ATXN7L1: variants seen among roughly 807,000 people sequenced by gnomAD.
ATXN7L1 encodes the protein ataxin-7-like protein 1.
In ATXN7L1, 15 loss-of-function variants were observed where a neutral mutation model predicts 70.8. The observed-to-expected ratio is 0.21, with a 90% CI of 0.14 to 0.33. ATXN7L1 has a LOEUF of 0.33. Among genes scored for constraint, ATXN7L1 ranks in the 10% least tolerant of loss-of-function variants. The pLI, the probability that ATXN7L1 is intolerant of heterozygous loss-of-function variation, is 1.00. For synonymous variants in ATXN7L1, 440 were observed against 445.1 expected (o/e 0.99, Z 0.14); for missense variants, 975 against 1,097.1 (o/e 0.89, Z 1.57).
intron 3 of ATXN7L1, chr7:105,760,270 A>G: frequency 1.0e-6 from 1 of 975,098 alleles, no homozygotes. Flanking sequence ...ATGGTTTTAC[A>G]GTTAAAAAAA....
intron 3 of ATXN7L1, among the ~76,000 whole-genome samples, chr7:105,740,768 C>CTTTTTTTTTTTTTTTTTTTTTT (rs1563055385): frequency 1.0e-5 from 1 of 98,244 alleles, no homozygotes; most frequent in African/African-American, 5.5e-5. Context: ...TGGCTCCATT[C>CTTTTTTTTTTTTTTTTTTTTTT]ATTTTTTTTT....
intron 7 of ATXN7L1, among the ~76,000 whole-genome samples, chr7:105,627,226 T>C (rs1263261890): frequency 6.6e-6 from 1 of 152,134 alleles, no homozygotes; most frequent in Non-Finnish European, 1.5e-5. Flanking sequence ...ATTGCCTTTC[T>C]TTTTCTGTAT....
At chr7:105,783,683 AG>A (rs935189933) in intron 3 of ATXN7L1, among the ~76,000 whole-genome samples, 1 of 152,238 alleles carries the variant, frequency 6.6e-6, no homozygotes, top group Non-Finnish European at 1.5e-5. Flanking sequence ...GGACTCTTCC[AG>A]ACCTCACCCT....
chr7:105,773,232 TA>T (rs974120712), intron 3 of ATXN7L1, among the ~76,000 whole-genome samples: 2 of 152,344 alleles, frequency 1.3e-5, no homozygotes, highest in East Asian at 3.9e-4. Flanking sequence ...CATTATTTTC[TA>T]TTTTGAACTA....
intron 3 of ATXN7L1, among the ~76,000 whole-genome samples, chr7:105,727,897 C>G (rs1796101296): frequency 6.7e-6 from 1 of 149,420 alleles, no homozygotes; most frequent in South Asian, 2.1e-4. Context: ...CAGACACATC[C>G]CAGACTAACA....
chr7:105,863,215 T>G (rs1302494729), intron 2 of ATXN7L1, among the ~76,000 whole-genome samples: 1 of 152,192 alleles, frequency 6.6e-6, no homozygotes, highest in African/African-American at 2.4e-5. Flanking sequence ...TGCTAACACC[T>G]TCTCCCAAAA....
chr7:105,819,193 T>G (rs539252926), intron 2 of ATXN7L1, among the ~76,000 whole-genome samples: 16 of 152,216 alleles, frequency 1.1e-4, no homozygotes, highest in African/African-American at 3.4e-4. Context: ...CCACTGGATT[T>G]AAATTTGGTT....
chr7:105,856,895 A>G (rs939951236), intron 2 of ATXN7L1, among the ~76,000 whole-genome samples: 3 of 152,310 alleles, frequency 2.0e-5, no homozygotes, highest in Admixed American at 2.0e-4. Context: ...ACAAACACTA[A>G]CACTACCAAA....
intron 3 of ATXN7L1, among the ~76,000 whole-genome samples, chr7:105,692,575 T>C (rs1791149687): frequency 6.6e-6 from 1 of 151,766 alleles, no homozygotes; most frequent in Admixed American, 6.6e-5. Context: ...GCCTCCTAAG[T>C]AGCTGGGATT....
chr7:105,836,656 C>A (rs1812429902), intron 2 of ATXN7L1, among the ~76,000 whole-genome samples: 1 of 152,218 alleles, frequency 6.6e-6, no homozygotes, highest in African/African-American at 2.4e-5. Flanking sequence ...GCACCTGGCC[C>A]TGAACAGAGT....
chr7:105,853,765 A>AAAAACAAAAC (rs547510998), intron 2 of ATXN7L1, among the ~76,000 whole-genome samples: 1 of 152,154 alleles, frequency 6.6e-6, no homozygotes, highest in Non-Finnish European at 1.5e-5. Context: ...CTCTGTCTCA[A>AAAAACAAAAC]AAAACAAAAC....
chr7:105,635,171 C>A (rs148801924), intron 7 of ATXN7L1, among the ~76,000 whole-genome samples: 1,680 of 152,334 alleles, frequency 0.011, 15 homozygotes, highest in Middle Eastern at 0.027. Context: ...GCACCAGCTT[C>A]CTGCGGGCTC....
At chr7:105,790,723 CA>C (rs1271863058) in intron 2 of ATXN7L1, among the ~76,000 whole-genome samples, 1 of 151,084 alleles carries the variant, frequency 6.6e-6, no homozygotes, top group Non-Finnish European at 1.5e-5. Flanking sequence ...ATCTATCTGA[CA>C]AAAAAAGGTC....
chr7:105,640,657 T>C (rs553947705), intron 5 of ATXN7L1, among the ~76,000 whole-genome samples: 1 of 152,330 alleles, frequency 6.6e-6, no homozygotes, highest in East Asian at 1.9e-4. Context: ...CCTGAGTAGC[T>C]GGAACTAGAG....
chr7:105,818,453 A>G (rs1374953449), intron 2 of ATXN7L1, among the ~76,000 whole-genome samples: 1 of 152,128 alleles, frequency 6.6e-6, no homozygotes, highest in East Asian at 1.9e-4. Context: ...CCCCATGTCC[A>G]GCTCCTTGTC....
intron 3 of ATXN7L1, chr7:105,788,348 T>C (rs1804628291): frequency 2.4e-6 from 1 of 416,398 alleles, no homozygotes; most frequent in East Asian, 4.0e-5. Context: ...GCTGGGCAGA[T>C]GGCTTCAGTC....
chr7:105,787,378 C>T (rs1275031432), intron 3 of ATXN7L1, among the ~76,000 whole-genome samples: 1 of 152,100 alleles, frequency 6.6e-6, no homozygotes, highest in Non-Finnish European at 1.5e-5. Flanking sequence ...TTTCTAGGGC[C>T]CTTGCTTTGC....
chr7:105,809,340 GCA>G (rs1808078001), intron 2 of ATXN7L1, among the ~76,000 whole-genome samples: 1 of 152,136 alleles, frequency 6.6e-6, no homozygotes, highest in Non-Finnish European at 1.5e-5. Context: ...TTAACCATAA[GCA>G]CACTGTTGTA....
At chr7:105,737,068 T>A (rs916558679) in intron 3 of ATXN7L1, among the ~76,000 whole-genome samples, 1 of 152,210 alleles carries the variant, frequency 6.6e-6, no homozygotes, top group Non-Finnish European at 1.5e-5. Context: ...TGAGGACTTT[T>A]AAAAAAGGGA....
Sources: allele counts gnomAD v4.1 joint callset (sites outside exome capture counted in the v4.1 genomes callset), GRCh38; gene constraint gnomAD v4.1.1; transcripts MANE v1.5; gene names NCBI Gene and HGNC (gene_info 2026-07-23, HGNC 2026-07-21).